Variants in SYNDIG1 observed in about 807,000 individuals in gnomAD.
SYNDIG1 encodes the protein synapse differentiation inducing 1, also known as synapse differentiation-inducing gene protein 1.
In SYNDIG1, 9 loss-of-function variants were observed where a neutral mutation model predicts 19.4. That is an observed-to-expected ratio of 0.46 (90% CI 0.28 to 0.81). The LOEUF is 0.81. Among genes scored for constraint, SYNDIG1 ranks in the 30% least tolerant of loss-of-function variants. SYNDIG1 has a pLI of 0.12. For missense variants in SYNDIG1, 311 were observed against 343.3 expected (o/e 0.91, Z 0.74); for synonymous variants, 141 against 145.9 (o/e 0.97, Z 0.24).
chr20:24,476,574 G>T (rs2055632659), intron 1 of SYNDIG1, among the ~76,000 whole-genome samples: 1 of 151,952 alleles, frequency 6.6e-6, no homozygotes, highest in African/African-American at 2.4e-5. Flanking sequence ...GGAGGCTGAG[G>T]CAGGAGAATG....
intron 1 of SYNDIG1, among the ~76,000 whole-genome samples, chr20:24,526,095 C>T (rs1210634288): frequency 6.6e-6 from 1 of 152,030 alleles, no homozygotes; most frequent in Non-Finnish European, 1.5e-5. Flanking sequence ...TTACTTTTAG[C>T]GATTCCATGT....
chr20:24,498,695 G>C (rs2056363162), intron 1 of SYNDIG1, among the ~76,000 whole-genome samples: 1 of 152,200 alleles, frequency 6.6e-6, no homozygotes, highest in Admixed American at 6.5e-5. Context: ...GTGTAGCTGT[G>C]TTCACTTAGC....
intron 3 of SYNDIG1, among the ~76,000 whole-genome samples, chr20:24,593,538 C>T (rs1227286931): frequency 6.6e-6 from 1 of 152,132 alleles, no homozygotes; most frequent in Admixed American, 6.5e-5. Context: ...ATTTATATTC[C>T]TTTGGGTGTA....
At chr20:24,546,798 G>A (rs978776615) in intron 2 of SYNDIG1, among the ~76,000 whole-genome samples, 1 of 151,430 alleles carries the variant, frequency 6.6e-6, no homozygotes, top group Non-Finnish European at 1.5e-5. Flanking sequence ...TTTTTTTTCA[G>A]ATGGTCTAAC....
intron 2 of SYNDIG1, among the ~76,000 whole-genome samples, chr20:24,563,882 G>T (rs2057991636): frequency 6.6e-6 from 1 of 152,158 alleles, no homozygotes; most frequent in Non-Finnish European, 1.5e-5. Context: ...AGGATTACAG[G>T]CATGAACTAT....
intron 3 of SYNDIG1, among the ~76,000 whole-genome samples, chr20:24,659,537 C>A (rs570580570): frequency 6.6e-6 from 1 of 152,318 alleles, no homozygotes; most frequent in East Asian, 1.9e-4. Flanking sequence ...GGAGCCTTTC[C>A]CTTAGCAGCT....
chr20:24,557,933 G>A (rs1010381377), intron 2 of SYNDIG1, among the ~76,000 whole-genome samples: 20 of 152,328 alleles, frequency 1.3e-4, no homozygotes, highest in African/African-American at 3.1e-4. Context: ...TGGCTGCCTC[G>A]CCGGAAGAGG....
intron 2 of SYNDIG1, among the ~76,000 whole-genome samples, chr20:24,567,799 G>A (rs959314369): frequency 2.0e-5 from 3 of 152,202 alleles, no homozygotes; most frequent in Non-Finnish European, 2.9e-5. Flanking sequence ...TGTGATGTGC[G>A]TATGATGGGG....
rs982802883 is a variant in SYNDIG1 at position 24,582,045 on chromosome 20, G to A, written c.481-2811G>A. 1.9e-4 allele frequency among the ~76,000 whole-genome samples: 10 copies of A among 51,782 alleles called. No individual in the cohort carries two copies. The East Asian group carries it at 2.2e-3, about 12-fold the overall frequency. 34.0% of individuals were successfully genotyped at this position (51,782 alleles called of 152,430 possible). A position where few individuals can be genotyped will look rare whatever the true frequency, so the allele number is the denominator to read the frequency against. ...TGTCCTCCCCCCGCACATCCTCTCC[G>A]CTGCATGGCCTCCCTCCTTCATGTC... On this transcript the variant is annotated intron_variant, in intron 2 of 3. Transcript: ENST00000376862.
At chr20:24,481,625 A>T (rs2055799938) in intron 1 of SYNDIG1, among the ~76,000 whole-genome samples, 2 of 152,186 alleles carry the variant, frequency 1.3e-5, no homozygotes, top group South Asian at 4.1e-4. Context: ...CCACTTTTGA[A>T]GGGAGGTGTG....
At chr20:24,543,965 G>A (rs1600575783) in intron 2 of SYNDIG1, among the ~76,000 whole-genome samples, 1 of 152,268 alleles carries the variant, frequency 6.6e-6, no homozygotes, top group South Asian at 2.1e-4. Flanking sequence ...ACTTGACAGG[G>A]GACACTTTGG....
intron 2 of SYNDIG1, among the ~76,000 whole-genome samples, chr20:24,553,208 T>C (rs1355548955): frequency 1.3e-5 from 2 of 152,116 alleles, no homozygotes; most frequent in Non-Finnish European, 2.9e-5. Context: ...TTCTGGATAT[T>C]AGCCCTTTGT....
chr20:24,566,261 C>T (rs535301719), intron 2 of SYNDIG1, among the ~76,000 whole-genome samples: 3 of 152,184 alleles, frequency 2.0e-5, no homozygotes, highest in Non-Finnish European at 4.4e-5. Flanking sequence ...GAAGTCAACT[C>T]CTAGACAGGT....
intron 2 of SYNDIG1, among the ~76,000 whole-genome samples, chr20:24,558,262 A>C (rs915728231): frequency 7.9e-5 from 12 of 152,008 alleles, no homozygotes; most frequent in Non-Finnish European, 1.5e-4. Flanking sequence ...CTATTTATCC[A>C]AAAAAAATTG....
intron 3 of SYNDIG1, 125 bp from the exon 4 acceptor site, chr20:24,665,221 T>G: frequency 3.3e-6 from 4 of 1,199,892 alleles, no homozygotes; most frequent in Non-Finnish European, 4.7e-6. Flanking sequence ...GAGCACAGTT[T>G]CCCCCTCAGC....
At chr20:24,472,385 G>A (rs1331595491) in intron 1 of SYNDIG1, among the ~76,000 whole-genome samples, 2 of 152,174 alleles carry the variant, frequency 1.3e-5, no homozygotes, top group African/African-American at 4.8e-5. Flanking sequence ...AAAATTATAA[G>A]CAATTAATTT....
chr20:24,556,276 C>A (rs1260755189), intron 2 of SYNDIG1, among the ~76,000 whole-genome samples: 2 of 152,168 alleles, frequency 1.3e-5, no homozygotes, highest in African/African-American at 4.8e-5. Context: ...CAGTCTGTGT[C>A]TTTTAATTGG....
intron 1 of SYNDIG1, among the ~76,000 whole-genome samples, chr20:24,487,941 T>C (rs568900019): frequency 1.8e-4 from 27 of 152,130 alleles, no homozygotes; most frequent in Admixed American, 1.1e-3. Flanking sequence ...GAGGCTGTAG[T>C]GTGCCGATCT....
At chr20:24,525,549 G>T (rs1007209316) in intron 1 of SYNDIG1, among the ~76,000 whole-genome samples, 1 of 152,096 alleles carries the variant, frequency 6.6e-6, no homozygotes, top group African/African-American at 2.4e-5. Flanking sequence ...CTCCCAAAGT[G>T]CTGGGATTAC....
Sources: gnomAD v4.1 joint callset for allele counts (sites outside exome capture counted in the v4.1 genomes callset) on GRCh38, gnomAD v4.1.1 for gene constraint, MANE v1.5 for transcripts, NCBI Gene and HGNC (gene_info 2026-07-23, HGNC 2026-07-21) for gene names.